Variants in CMTM7 observed in about 807,000 individuals in gnomAD.
CMTM7 encodes CKLF like MARVEL transmembrane domain containing 7.
A neutral mutation model predicts 19.3 loss-of-function variants in CMTM7; 7 were observed. The ratio of observed to expected loss-of-function variants is 0.36; its 90% CI spans 0.21 to 0.68. The LOEUF (loss-of-function observed/expected upper bound fraction) is 0.68. Among genes scored for constraint, CMTM7 ranks in the 30% least tolerant of loss-of-function variants. The probability of loss-of-function intolerance (pLI) is 0.60; values close to 1 mark genes in which losing one functional copy is unlikely to be tolerated. For missense variants in CMTM7, 193 were observed against 232.6 expected, an observed-to-expected ratio of 0.83 and a Z score of 1.11; for synonymous variants, 87 against 99.3, an observed-to-expected ratio of 0.88 and a Z score of 0.74.
chr3:32,415,281 A>G (rs780818467), intron 1 of CMTM7, among the ~76,000 whole-genome samples: 5 of 152,264 alleles, frequency 3.3e-5, no homozygotes, highest in Non-Finnish European at 5.9e-5. Flanking sequence ...ACACTCTCTA[A>G]AGGATGAGAA....
At chr3:32,426,776 T>G (rs1217413166) in intron 1 of CMTM7, among the ~76,000 whole-genome samples, 1 of 152,248 alleles carries the variant, frequency 6.6e-6, no homozygotes, top group African/African-American at 2.4e-5. Context: ...ATGAGTGTTT[T>G]AAAATTATTA....
chr3:32,413,301 A>G (rs1258655377), intron 1 of CMTM7, among the ~76,000 whole-genome samples: 1 of 152,230 alleles, frequency 6.6e-6, no homozygotes, highest in Non-Finnish European at 1.5e-5. Context: ...ATTCTGAGAG[A>G]TGGATATTTA....
chr3:32,441,651 A>G (rs1408893486), intron 1 of CMTM7, among the ~76,000 whole-genome samples, 189 bp from the exon 2 acceptor site: 1 of 152,232 alleles, frequency 6.6e-6, no homozygotes, highest in Non-Finnish European at 1.5e-5. Context: ...CAGTAGTTTC[A>G]AAGTGTGTAC....
At chr3:32,429,534 A>G (rs926476670) in intron 1 of CMTM7, among the ~76,000 whole-genome samples, 16 of 150,374 alleles carry the variant, frequency 1.1e-4, no homozygotes, top group African/African-American at 3.9e-4. Flanking sequence ...CAAGTGATCC[A>G]CCTGCCTTGG....
rs537027440 is a variant in CMTM7, at chr3:32,449,283, C to G, written c.334-171C>G. Among the ~76,000 whole-genome samples, 1 of 152,326 alleles carries G rather than the reference C, an allele frequency of 6.6e-6. No homozygotes were observed. Among genetic ancestry groups the G allele is most frequent in the Admixed American group, 6.5e-5 (1 of 15,296 alleles). On this transcript the variant is annotated intron_variant, in intron 2 of 4. Transcript: ENST00000334983. This position sits in a 1 kb window ranked among gnomAD's most constrained non-coding sequence, Gnocchi z 4.5. ...CTTGCTTGGCCTCTTCCTGGTCAGC[C>G]CGCATGTTGGCTGCCTGCGAGCGGC... is the stretch of plus-strand genomic sequence containing the variant.
intron 1 of CMTM7, among the ~76,000 whole-genome samples, chr3:32,424,601 GC>G (rs1696398945): frequency 6.6e-6 from 1 of 151,424 alleles, no homozygotes; most frequent in African/African-American, 2.4e-5. Flanking sequence ...TAAGCCTCTT[GC>G]CCCCTCTCCC....
chr3:32,407,658 G>C (rs929499241), intron 1 of CMTM7, among the ~76,000 whole-genome samples: 6 of 152,160 alleles, frequency 3.9e-5, no homozygotes, highest in African/African-American at 1.4e-4. Context: ...GGTTTTTCAA[G>C]GGTTCCTCAG....
intron 1 of CMTM7, among the ~76,000 whole-genome samples, chr3:32,402,586 A>G (rs1227812866): frequency 2.6e-5 from 4 of 152,138 alleles, no homozygotes; most frequent in Non-Finnish European, 5.9e-5. Context: ...TTTTCGAGAC[A>G]GAGTCTCACT....
At chr3:32,416,632 CAA>C (rs1696271497) in intron 1 of CMTM7, among the ~76,000 whole-genome samples, 1 of 151,760 alleles carries the variant, frequency 6.6e-6, no homozygotes, top group African/African-American at 2.4e-5. Context: ...CCTCATGATC[CAA>C]CCGCCTCGGC....
At chr3:32,395,569 T>C (rs1272822038) in intron 1 of CMTM7, among the ~76,000 whole-genome samples, 1 of 152,214 alleles carries the variant, frequency 6.6e-6, no homozygotes, top group Non-Finnish European at 1.5e-5. Context: ...TTAATAGTTC[T>C]AGGGATATAA....
intron 1 of CMTM7, among the ~76,000 whole-genome samples, chr3:32,429,362 C>T (rs868547842): frequency 7.5e-5 from 11 of 146,762 alleles, no homozygotes; most frequent in African/African-American, 2.3e-4. Context: ...GGCATGATCT[C>T]GGCTCACTGA....
chr3:32,420,963 G>A (rs531445757), intron 1 of CMTM7, among the ~76,000 whole-genome samples: 39 of 152,202 alleles, frequency 2.6e-4, no homozygotes, highest in Non-Finnish European at 4.6e-4. Flanking sequence ...TGGTCTCACC[G>A]GCTGTCTGGA....
chr3:32,436,944 T>C (rs1696606467), intron 1 of CMTM7, among the ~76,000 whole-genome samples: 2 of 152,102 alleles, frequency 1.3e-5, no homozygotes, highest in Admixed American at 6.6e-5. Flanking sequence ...CTCATTTCTT[T>C]CTGGAAGGAT....
intron 1 of CMTM7, among the ~76,000 whole-genome samples, chr3:32,420,779 C>T (rs1179310355): frequency 6.6e-6 from 1 of 152,202 alleles, no homozygotes; most frequent in African/African-American, 2.4e-5. Flanking sequence ...TTCCTCAGAA[C>T]TGGGTCTGGG....
chr3:32,417,390 A>G (rs555894448), intron 1 of CMTM7, among the ~76,000 whole-genome samples: 414 of 152,374 alleles, frequency 2.7e-3, no homozygotes, highest in Non-Finnish European at 4.9e-3. Context: ...CCATGTTATC[A>G]CTTGGATAAT....
At chr3:32,420,985 G>T (rs1696334589) in intron 1 of CMTM7, among the ~76,000 whole-genome samples, 1 of 152,096 alleles carries the variant, frequency 6.6e-6, no homozygotes, top group South Asian at 2.1e-4. Flanking sequence ...CCTCCCACTG[G>T]AGGCGACCCT....
chr3:32,422,222 G>A (rs1012931990), intron 1 of CMTM7, among the ~76,000 whole-genome samples: 24 of 152,084 alleles, frequency 1.6e-4, no homozygotes, highest in African/African-American at 4.8e-4. Context: ...TTGTTTTGTC[G>A]TTTTTTATCC....
chr3:32,431,765 C>T (rs1302187348), intron 1 of CMTM7, among the ~76,000 whole-genome samples: 2 of 152,208 alleles, frequency 1.3e-5, no homozygotes, highest in African/African-American at 4.8e-5. Context: ...ATTACTTGAC[C>T]TTGTGTGCCT....
chr3:32,393,702 A>T (rs1242183270), intron 1 of CMTM7, among the ~76,000 whole-genome samples: 1 of 142,320 alleles, frequency 7.0e-6, no homozygotes, highest in Non-Finnish European at 1.5e-5. Flanking sequence ...AGGTGAGAGG[A>T]TTGATTGAAC....
Sources: allele counts gnomAD v4.1 joint callset (sites outside exome capture counted in the v4.1 genomes callset), GRCh38; gene constraint gnomAD v4.1.1; non-coding constraint Gnocchi (gnomAD v3.1); transcripts MANE v1.5; gene names NCBI Gene and HGNC (gene_info 2026-07-23, HGNC 2026-07-21).